Variants in LRRC3B observed in about 807,000 individuals in gnomAD.
LRRC3B encodes leucine rich repeat containing 3B.
In LRRC3B, 2 loss-of-function variants were observed where a neutral mutation model predicts 12.8. The ratio of observed to expected loss-of-function variants is 0.16; its 90% CI spans 0.06 to 0.49. The LOEUF (loss-of-function observed/expected upper bound fraction) is 0.49, where lower values mean the gene tolerates loss of function less well. Ranked by LOEUF, LRRC3B falls within the 20% of genes least tolerant of loss-of-function variation. LRRC3B has a pLI of 0.96. For synonymous variants in LRRC3B, 132 were observed against 122.0 expected (o/e 1.08, Z -0.54); for missense variants, 189 against 319.4 (o/e 0.59, Z 3.11).
chr3:26,649,898 C>T (rs1699228612), intron 1 of LRRC3B, among the ~76,000 whole-genome samples: 2 of 152,014 alleles, frequency 1.3e-5, no homozygotes, highest in Non-Finnish European at 2.9e-5. Flanking sequence ...TTTGTATAGC[C>T]CCGATGTAGC....
chr3:26,697,805 ATTTC>A (rs1375098902), intron 1 of LRRC3B, among the ~76,000 whole-genome samples: 3 of 152,028 alleles, frequency 2.0e-5, no homozygotes, highest in Non-Finnish European at 4.4e-5. Context: ...TGGGAGCAAA[ATTTC>A]TTTCTATTTT....
intron 1 of LRRC3B, among the ~76,000 whole-genome samples, chr3:26,635,081 AG>A (rs1451653182): frequency 2.0e-5 from 3 of 152,212 alleles, no homozygotes; most frequent in Admixed American, 6.5e-5. Flanking sequence ...GCTCCACTGC[AG>A]AAATTTTACT....
intron 1 of LRRC3B, among the ~76,000 whole-genome samples, chr3:26,694,370 A>T (rs1380966235): frequency 6.6e-6 from 1 of 152,208 alleles, no homozygotes; most frequent in Non-Finnish European, 1.5e-5. Flanking sequence ...TAACAGGCTG[A>T]TATCCATTGT....
At chr3:26,671,413 G>GAGAGAGAGAGACAGACAC (rs9331540) in intron 1 of LRRC3B, among the ~76,000 whole-genome samples, 1 of 99,388 alleles carries the variant, frequency 1.0e-5, no homozygotes, top group African/African-American at 4.3e-5. Context: ...GAGAGAGAGA[G>GAGAGAGAGAGACAGACAC]ACGAAGTCTT....
intron 1 of LRRC3B, among the ~76,000 whole-genome samples, chr3:26,704,174 C>A (rs1357797364): frequency 1.3e-5 from 2 of 150,912 alleles, no homozygotes; most frequent in African/African-American, 2.4e-5. Context: ...TATTTATCTT[C>A]TTTAAAAAAA....
intron 1 of LRRC3B, chr3:26,625,128 C>T (rs116064451): frequency 5.2e-5 from 8 of 152,490 alleles, no homozygotes; most frequent in African/African-American, 1.4e-4. Flanking sequence ...TAGGTCCTCC[C>T]TGTTCAGACC....
intron 1 of LRRC3B, among the ~76,000 whole-genome samples, chr3:26,680,528 G>T (rs1321860440): frequency 6.6e-6 from 1 of 152,204 alleles, no homozygotes. Flanking sequence ...TGTGGGTAGG[G>T]TAGCCCAGAA....
At chr3:26,665,470 G>A (rs771663446) in intron 1 of LRRC3B, among the ~76,000 whole-genome samples, 3 of 151,902 alleles carry the variant, frequency 2.0e-5, no homozygotes, top group Non-Finnish European at 2.9e-5. Flanking sequence ...GCTTACTTCC[G>A]TTTGTGTTTT....
At chr3:26,669,939 T>C (rs2125429975) in intron 1 of LRRC3B, among the ~76,000 whole-genome samples, 1 of 152,320 alleles carries the variant, frequency 6.6e-6, no homozygotes, top group East Asian at 1.9e-4. Flanking sequence ...ACCATTACAT[T>C]CCAATGTTCA....
chr3:26,641,664 T>C (rs17018445), intron 1 of LRRC3B, among the ~76,000 whole-genome samples: 5,200 of 152,154 alleles, frequency 0.034, 168 homozygotes, highest in East Asian at 0.13. Flanking sequence ...CTATGTACAG[T>C]GGTAAAGCAG....
chr3:26,675,141 T>G (rs1484776186), intron 1 of LRRC3B, among the ~76,000 whole-genome samples: 1 of 152,246 alleles, frequency 6.6e-6, no homozygotes. Flanking sequence ...CTGATTCTAT[T>G]GCATATAAGT....
intron 1 of LRRC3B, among the ~76,000 whole-genome samples, chr3:26,707,306 CA>C (rs1700621487): frequency 6.6e-6 from 1 of 151,690 alleles, no homozygotes; most frequent in Admixed American, 6.6e-5. Context: ...CGGAGATTTG[CA>C]GTGAGCCGAG....
At chr3:26,655,606 T>C (rs2125418367) in intron 1 of LRRC3B, among the ~76,000 whole-genome samples, 1 of 152,360 alleles carries the variant, frequency 6.6e-6, no homozygotes, top group South Asian at 2.1e-4. Context: ...TCATTAACAA[T>C]ACTTAGCTTT....
chr3:26,634,916 T>C (rs148178171), intron 1 of LRRC3B, among the ~76,000 whole-genome samples: 15 of 152,340 alleles, frequency 9.8e-5, no homozygotes, highest in African/African-American at 3.6e-4. Context: ...CAGGCTATTA[T>C]AATACGTTGA....
intron 1 of LRRC3B, among the ~76,000 whole-genome samples, chr3:26,703,400 C>A (rs1700507281): frequency 6.6e-6 from 1 of 152,084 alleles, no homozygotes; most frequent in Non-Finnish European, 1.5e-5. Flanking sequence ...AAAGAGGCAA[C>A]CACCATCCCT....
intron 1 of LRRC3B, among the ~76,000 whole-genome samples, chr3:26,676,271 C>T (rs2125437453): frequency 7.2e-6 from 1 of 138,412 alleles, no homozygotes; most frequent in South Asian, 2.4e-4. Context: ...GTGTGATGTT[C>T]CCCTTCCTGT....
chr3:26,671,885 T>TTGAC (rs1699756983), intron 1 of LRRC3B, among the ~76,000 whole-genome samples: 1 of 152,178 alleles, frequency 6.6e-6, no homozygotes, highest in Non-Finnish European at 1.5e-5. Context: ...CCATCCTTCC[T>TTGAC]TGACAGAACA....
chr3:26,673,226 AG>A (rs1252094674), intron 1 of LRRC3B, among the ~76,000 whole-genome samples: 5 of 152,258 alleles, frequency 3.3e-5, no homozygotes, highest in African/African-American at 1.2e-4. Flanking sequence ...AAAAAAAATC[AG>A]AACATGCAGT....
intron 1 of LRRC3B, among the ~76,000 whole-genome samples, chr3:26,635,984 A>G (rs1196183181): frequency 6.6e-6 from 1 of 152,212 alleles, no homozygotes; most frequent in African/African-American, 2.4e-5. Flanking sequence ...ATACACACAC[A>G]TACACACACC....
Sources: allele counts gnomAD v4.1 joint callset (sites outside exome capture counted in the v4.1 genomes callset), GRCh38; gene constraint gnomAD v4.1.1; transcripts MANE v1.5; gene names NCBI Gene and HGNC (gene_info 2026-07-23, HGNC 2026-07-21).